ROS1: variants seen among roughly 807,000 people sequenced by gnomAD.
The protein encoded by ROS1 is proto-oncogene tyrosine-protein kinase ROS.
A neutral mutation model predicts 273.5 loss-of-function variants in ROS1; 263 were observed. The ratio of observed to expected loss-of-function variants is 0.96; its 90% CI spans 0.87 to 1.06. The LOEUF is 1.06. Ranked by LOEUF, ROS1 falls within the 50% of genes least tolerant of loss-of-function variation. The pLI is 0.00. For missense variants in ROS1, 2,833 were observed against 2,751.1 expected (o/e 1.03, Z -0.67); for synonymous variants, 1,008 against 954.1 (o/e 1.06, Z -1.04).
rs765893693 is a variant in ROS1, at chr6:117,317,123, T to C, written c.6117+20A>G. On this transcript the variant is annotated intron_variant, in intron 39 of 43. Coordinates refer to ENST00000368507, the MANE Select transcript of ROS1 (RefSeq NM_001378902.1). ...GGCATTTGCATTATGAAACCAATAT[T>C]ATGGATCCCAACTGCCTACCGTTGC... is the stretch of plus-strand genomic sequence containing the variant. 7.5e-6 allele frequency: 12 copies of C among 1,604,280 alleles called. No homozygotes were observed. Among genetic ancestry groups the C allele is most frequent in the Non-Finnish European group, 9.3e-6 (11 of 1,176,802 alleles).
At chr6:117,300,298 A>C (rs1423675856) in intron 43 of ROS1, among the ~76,000 whole-genome samples, 1 of 151,772 alleles carries the variant, frequency 6.6e-6, no homozygotes, top group Non-Finnish European at 1.5e-5. Flanking sequence ...ATAGAATCAG[A>C]CTAGATCTTA....
At chr6:117,304,650 T>C (rs1010158785) in intron 42 of ROS1, among the ~76,000 whole-genome samples, 3 of 152,160 alleles carry the variant, frequency 2.0e-5, no homozygotes, top group South Asian at 2.1e-4. Flanking sequence ...GTCCAGCATA[T>C]CTATGCTGTA....
intron 43 of ROS1, among the ~76,000 whole-genome samples, chr6:117,300,074 C>G (rs1199059054): frequency 6.9e-6 from 1 of 144,336 alleles, no homozygotes; most frequent in Non-Finnish European, 1.5e-5. Flanking sequence ...AGGCGCCCGC[C>G]ACCAGGACAG....
At chr6:117,392,422 G>A (rs946183508) in intron 12 of ROS1, among the ~76,000 whole-genome samples, 1 of 151,760 alleles carries the variant, frequency 6.6e-6, no homozygotes, top group Non-Finnish European at 1.5e-5. Flanking sequence ...TTACAAACAT[G>A]GGCTTTGCCT....
At chr6:117,339,066 G>T (rs751814304) in intron 31 of ROS1, among the ~76,000 whole-genome samples, 6 of 152,100 alleles carry the variant, frequency 3.9e-5, no homozygotes, top group Non-Finnish European at 5.9e-5. Context: ...ACACTGTTGT[G>T]AGTTTCTTGT....
At chr6:117,423,184 A>G (rs1318848217) in intron 1 of ROS1, among the ~76,000 whole-genome samples, 5 of 152,124 alleles carry the variant, frequency 3.3e-5, no homozygotes, top group African/African-American at 1.2e-4. Context: ...AGGGTGAGGG[A>G]TAAAAGACTA....
chr6:117,356,912 G>C lies in ROS1; in HGVS notation c.3843C>G (p.Arg1281=). The stretch of plus-strand genomic sequence containing the variant: ...AATTGGAAACTTCTGTCCAATACAA[G>C]CGACTATAGAGGAAAAAAAAGTCCC... ...ISFSVYPLLS[R]LYWTEVSNFG... is the part of the protein sequence containing the mutation. Residue 1281 remains arginine, a synonymous_variant, in exon 26 of 44, where the codon CGC becomes CGG. Coordinates refer to ENST00000368507, the MANE Select transcript of ROS1 (RefSeq NM_001378902.1). 1.9e-6 allele frequency: 3 copies of C among 1,607,656 alleles called. No individual in the cohort carries two copies. The highest frequency in any genetic ancestry group is 2.5e-6 in the Non-Finnish European group (3 of 1,177,484).
chr6:117,353,199 A>G (rs1779023928), intron 26 of ROS1, 33 bp from the exon 27 acceptor site: 1 of 1,449,154 alleles, frequency 6.9e-7, no homozygotes, highest in Non-Finnish European at 9.3e-7. Flanking sequence ...TATAAAGAAC[A>G]AAATTAATAT....
intron 5 of ROS1, among the ~76,000 whole-genome samples, chr6:117,406,172 T>C (rs966917082): frequency 1.1e-4 from 16 of 151,898 alleles, no homozygotes; most frequent in African/African-American, 2.9e-4. Flanking sequence ...TATATATATA[T>C]ACACACACAC....
At position 117,348,849 on chromosome 6, in the gene ROS1, T is replaced by G. The variant is rs1420251619; in HGVS notation, c.4303+4141A>C. On this transcript the variant is annotated intron_variant, in intron 27 of 43. Transcript: ENST00000368507. ...ATTTCTTCTTTTACCCATTTGTTAT[T>G]TAGAAATACGTTGTTTAATCTCCAA... is the stretch of plus-strand genomic sequence containing the variant. Among the ~76,000 whole-genome samples, 29 of 152,146 alleles carry G rather than the reference T, an allele frequency of 1.9e-4. 1 individual carries two copies. Among genetic ancestry groups the G allele is most frequent in the Non-Finnish European group, 1.5e-5 (1 of 67,880 alleles).
At chr6:117,412,836 G>C (rs1314451660) in intron 4 of ROS1, among the ~76,000 whole-genome samples, 1 of 152,156 alleles carries the variant, frequency 6.6e-6, no homozygotes, top group Non-Finnish European at 1.5e-5. Flanking sequence ...ATCCTGGGCT[G>C]CTTCGATGCT....
chr6:117,393,135 G>A (rs1320440215), intron 12 of ROS1, 89 bp downstream of exon 12: 1 of 807,856 alleles, frequency 1.2e-6, no homozygotes. Context: ...GGCTCATCTG[G>A]TACTACAATG....
In ROS1 at chr6:117,373,826, C is replaced by T. The variant is rs377470991; in HGVS notation, c.2582+5233G>A. 9.9e-5 allele frequency among the ~76,000 whole-genome samples: 15 copies of T among 152,224 alleles called. No individual in the cohort carries two copies. The East Asian group carries it at 1.3e-3, about 14-fold the overall frequency. On this transcript the variant is annotated intron_variant, in intron 18 of 43. Transcript: ENST00000368507. ...TGAGAGTGAGCGAGGGCTGCTAGCA[C>T]GTTGTCACCTCTCAGCACTGCTATA...
chr6:117,327,998 A>T (rs1582633286), intron 33 of ROS1, among the ~76,000 whole-genome samples: 1 of 152,298 alleles, frequency 6.6e-6, no homozygotes, highest in South Asian at 2.1e-4. Flanking sequence ...AGTCCCGCTG[A>T]TACGTTGGTT....
rs778946604 is a variant in ROS1 at position 117,389,497 on chromosome 6, C to G, written c.1639G>C (p.Glu547Gln). The change falls in exon 13 of 44, where the codon GAA (glutamate) becomes CAA (glutamine). Residue 547 changes from glutamate (E) to glutamine (Q), a missense_variant. By Grantham distance (29) the Glu-to-Gln change is conservative. Transcript: ENST00000368507. Reference sequence around the variant, plus strand: ...ACCAAGTTACCAAACCCAAATTCTTCTATGTGACTCAGGTCACATCCCACG... The same window carrying G: ...ACCAAGTTACCAAACCCAAATTCTTGTATGTGACTCAGGTCACATCCCACG... Reference protein sequence around the residue: ...FIVGCDLSHIEEFGFGNLVIF... With the variant: ...FIVGCDLSHIQEFGFGNLVIF... 3.1e-6 allele frequency: 5 copies of G among 1,614,092 alleles called. No individual in the cohort carries two copies. The Admixed American group carries it at 8.3e-5, about 27-fold the overall frequency.
chr6:117,289,202 T>G (rs1490162535), intron 43 of ROS1, among the ~76,000 whole-genome samples: 1 of 152,246 alleles, frequency 6.6e-6, no homozygotes, highest in African/African-American at 2.4e-5. Flanking sequence ...ATGTACTTTT[T>G]TATACTTCCA....
At chr6:117,321,459 G>T in intron 35 of ROS1, 65 bp from the exon 36 acceptor site, 1 of 1,391,434 alleles carries the variant, frequency 7.2e-7, no homozygotes, top group Non-Finnish European at 9.9e-7. Context: ...TTTAGGAAAT[G>T]TTAACAGTGC....
At chr6:117,319,004 G>A (rs918261251) in intron 37 of ROS1, among the ~76,000 whole-genome samples, 8 of 152,102 alleles carry the variant, frequency 5.3e-5, no homozygotes, top group African/African-American at 1.9e-4. Flanking sequence ...CAAGGTGGGA[G>A]TAAATTAAAG....
intron 27 of ROS1, among the ~76,000 whole-genome samples, chr6:117,351,087 C>T (rs564874877): frequency 1.3e-5 from 2 of 152,154 alleles, no homozygotes; most frequent in African/African-American, 4.8e-5. Flanking sequence ...TGGGTGAAAG[C>T]AACTGCTGTA....
Sources: allele counts gnomAD v4.1 joint callset (sites outside exome capture counted in the v4.1 genomes callset), GRCh38; gene constraint gnomAD v4.1.1; transcripts MANE v1.5; gene names NCBI Gene and HGNC (gene_info 2026-07-23, HGNC 2026-07-21).